The following CNTNAP2 variants were observed in gnomAD, a reference collection of about 807,000 sequenced individuals.
CNTNAP2 encodes the protein contactin-associated protein-like 2.
CNTNAP2 carries 98 observed loss-of-function variants against 155.2 expected under a neutral mutation model. The observed-to-expected ratio is 0.63, with a 90% CI of 0.54 to 0.75. The LOEUF (loss-of-function observed/expected upper bound fraction) is 0.75. CNTNAP2 is among the 30% of genes least tolerant of loss of function. CNTNAP2 has a pLI of 0.00. For missense variants in CNTNAP2, 1,727 were observed against 1,688.1 expected, an observed-to-expected ratio of 1.02 and a Z score of -0.40; for synonymous variants, 651 against 631.2, an observed-to-expected ratio of 1.03 and a Z score of -0.47.
intron 18 of CNTNAP2, among the ~76,000 whole-genome samples, chr7:148,172,818 G>A (rs912467297): frequency 3.3e-5 from 5 of 152,118 alleles, no homozygotes; most frequent in East Asian, 1.9e-4. Context: ...ACCCTCCCAC[G>A]TTAGGATCTC....
At chr7:146,545,047 C>T (rs992476671) in intron 1 of CNTNAP2, among the ~76,000 whole-genome samples, 3 of 151,248 alleles carry the variant, frequency 2.0e-5, no homozygotes, top group Non-Finnish European at 4.4e-5. Flanking sequence ...GATAGCTCAC[C>T]AATTCAAGGT....
At position 147,211,017 on chromosome 7, in the gene CNTNAP2, G is replaced by GTTTT. The variant is rs529043387; in HGVS notation, c.1348+78516_1348+78519dup. On this transcript the variant is annotated intron_variant, in intron 8 of 23. Coordinates refer to ENST00000361727, the MANE Select transcript of CNTNAP2 (RefSeq NM_014141.6). Reference sequence around the variant, plus strand: ...GAACATGTGGTCAGTCTTGGAGTAGGTTTTTTTTTTTATTTATTGAGACTT... The same window carrying GTTTT: ...GAACATGTGGTCAGTCTTGGAGTAGGTTTTTTTTTTTTTTTATTTATTGAGACTT... 2.3e-3 allele frequency among the ~76,000 whole-genome samples: 325 copies of GTTTT among 141,542 alleles called. 2 individuals are homozygous for GTTTT. The highest frequency in any genetic ancestry group is 7.9e-3 in the African/African-American group (303 of 38,172). 92.9% of individuals were successfully genotyped at this position (141,542 alleles called of 152,430 possible). A position where few individuals can be genotyped will look rare whatever the true frequency, so the allele number is the denominator to read the frequency against.
chr7:147,946,023 A>G (rs1311252505), intron 14 of CNTNAP2, among the ~76,000 whole-genome samples: 2 of 151,714 alleles, frequency 1.3e-5, no homozygotes, highest in Non-Finnish European at 2.9e-5. Context: ...GCGCGCCACC[A>G]TGCTCGGCTG....
chr7:146,994,582 T>C (rs1798273110), intron 3 of CNTNAP2, among the ~76,000 whole-genome samples: 1 of 152,068 alleles, frequency 6.6e-6, no homozygotes, highest in Non-Finnish European at 1.5e-5. Flanking sequence ...TTTGGGTTTG[T>C]TTTATTTTAT....
chr7:147,429,514 T>C (rs985505630), intron 10 of CNTNAP2, among the ~76,000 whole-genome samples: 4 of 152,152 alleles, frequency 2.6e-5, no homozygotes, highest in Non-Finnish European at 5.9e-5. Context: ...ACTCTGTGGG[T>C]TGTCTATTTA....
chr7:147,945,661 A>G (rs1800807219), intron 14 of CNTNAP2, among the ~76,000 whole-genome samples: 1 of 148,258 alleles, frequency 6.7e-6, no homozygotes, highest in Non-Finnish European at 1.5e-5. Flanking sequence ...ATAGTCTGTT[A>G]TCAGGAAAAG....
intron 9 of CNTNAP2, among the ~76,000 whole-genome samples, chr7:147,389,040 A>G (rs912909929): frequency 1.3e-5 from 2 of 152,140 alleles, no homozygotes; most frequent in Admixed American, 1.3e-4. Context: ...CCTGGACACC[A>G]CTAGACTCTC....
chr7:148,103,538 G>C (rs1350422154), intron 15 of CNTNAP2, among the ~76,000 whole-genome samples: 1 of 151,932 alleles, frequency 6.6e-6, no homozygotes, highest in Non-Finnish European at 1.5e-5. Flanking sequence ...TCTTAATATA[G>C]ACTCATATAT....
chr7:147,721,744 G>T (rs775178536), intron 13 of CNTNAP2, among the ~76,000 whole-genome samples: 3 of 152,016 alleles, frequency 2.0e-5, no homozygotes, highest in Admixed American at 6.6e-5. Context: ...TGAAATTCAG[G>T]TATTAATTAA....
chr7:146,569,008 A>ATTT (rs60421159), intron 1 of CNTNAP2, among the ~76,000 whole-genome samples: 2,160 of 150,026 alleles, frequency 0.014, 59 homozygotes, highest in African/African-American at 0.046. Flanking sequence ...TTTTATTTTT[A>ATTT]ATTATTTATT....
chr7:148,191,406 A>G (rs769140511), intron 18 of CNTNAP2, among the ~76,000 whole-genome samples: 9 of 152,208 alleles, frequency 5.9e-5, no homozygotes, highest in Admixed American at 1.3e-4. Flanking sequence ...GCTAGCTTCC[A>G]GAACCATAGT....
At chr7:146,964,014 G>A (rs890806184) in intron 3 of CNTNAP2, among the ~76,000 whole-genome samples, 1 of 152,032 alleles carries the variant, frequency 6.6e-6, no homozygotes, top group African/African-American at 2.4e-5. Context: ...AGAGGGTTCT[G>A]AACAACAAGC....
intron 1 of CNTNAP2, among the ~76,000 whole-genome samples, chr7:146,574,549 C>T (rs1798493753): frequency 6.6e-6 from 1 of 152,026 alleles, no homozygotes; most frequent in East Asian, 1.9e-4. Flanking sequence ...AAAAATGCAA[C>T]AATTAGCTGG....
intron 22 of CNTNAP2, among the ~76,000 whole-genome samples, chr7:148,390,965 G>T (rs915561502): frequency 7.2e-5 from 11 of 152,204 alleles, no homozygotes; most frequent in African/African-American, 2.7e-4. Context: ...TAGATAGGGG[G>T]TCGCCATTAT....
intron 9 of CNTNAP2, among the ~76,000 whole-genome samples, chr7:147,365,775 C>T (rs532169059): frequency 5.8e-4 from 88 of 152,212 alleles, no homozygotes; most frequent in African/African-American, 2.0e-3. Context: ...TCAACATAGT[C>T]ACCCACTGTT....
chr7:146,711,895 T>C (rs912593261), intron 1 of CNTNAP2, among the ~76,000 whole-genome samples: 5 of 94,952 alleles, frequency 5.3e-5, no homozygotes, highest in African/African-American at 2.3e-4. Context: ...ACATCTTATG[T>C]ATACTATATA....
At position 146,936,027 on chromosome 7, in the gene CNTNAP2, C is replaced by A. The variant is rs540612446; in HGVS notation, c.402+96123C>A. Among the ~76,000 whole-genome samples, 5 of 152,216 alleles carry A rather than the reference C, an allele frequency of 3.3e-5. No individual in the cohort carries two copies. In the South Asian group the frequency reaches 1.0e-3, roughly 32 times the overall value. ...GGTAGTCTCTCTTCAACAGAAATGA[C>A]AAGAGCTGAAAGAACTATGCAACCA... On this transcript the variant is annotated intron_variant, in intron 3 of 23. Coordinates refer to ENST00000361727, the MANE Select transcript of CNTNAP2 (RefSeq NM_014141.6).
At chr7:147,052,266 T>A (rs1799486749) in intron 4 of CNTNAP2, among the ~76,000 whole-genome samples, 1 of 152,072 alleles carries the variant, frequency 6.6e-6, no homozygotes. Context: ...CAAAATAAAG[T>A]CAACTGCAAG....
intron 12 of CNTNAP2, among the ~76,000 whole-genome samples, chr7:147,628,361 G>A (rs1302735182): frequency 6.6e-6 from 1 of 152,132 alleles, no homozygotes; most frequent in Non-Finnish European, 1.5e-5. Context: ...GTCAGCCCAG[G>A]ATTTTGTATC....
Sources: allele counts gnomAD v4.1 joint callset (sites outside exome capture counted in the v4.1 genomes callset), GRCh38; gene constraint gnomAD v4.1.1; transcripts MANE v1.5; gene names NCBI Gene and HGNC (gene_info 2026-07-23, HGNC 2026-07-21).